SORBS2: variants seen among roughly 807,000 people sequenced by gnomAD.
The protein encoded by SORBS2 is sorbin and SH3 domain-containing protein 2.
SORBS2 carries 46 observed loss-of-function variants against 97.7 expected under a neutral mutation model. The observed-to-expected ratio is 0.47, with a 90% CI of 0.37 to 0.60. The LOEUF is 0.60. Ranked by LOEUF, SORBS2 falls within the 20% of genes least tolerant of loss-of-function variation. The probability of loss-of-function intolerance (pLI) is 0.00; values close to 1 mark genes in which losing one functional copy is unlikely to be tolerated. For missense variants in SORBS2, 1,316 were observed against 1,282.3 expected, an observed-to-expected ratio of 1.03 and a Z score of -0.40; for synonymous variants, 476 against 473.4, an observed-to-expected ratio of 1.01 and a Z score of -0.07.
At chr4:185,639,085 G>A (rs1234829050) in intron 4 of SORBS2, 50 bp from the exon 14 acceptor site, 1 of 1,462,160 alleles carries the variant, frequency 6.8e-7, no homozygotes, top group East Asian at 2.9e-5. Flanking sequence ...GAGGCTCTGG[G>A]CGGAACCGCG....
chr4:185,840,449 C>T (rs574147746), intron 1 of SORBS2, among the ~76,000 whole-genome samples: 11 of 152,286 alleles, frequency 7.2e-5, no homozygotes, highest in South Asian at 6.2e-4. Context: ...TCTTGCATAG[C>T]TGATCCATGA....
chr4:185,735,706 G>T (rs2098681062), intron 2 of SORBS2, among the ~76,000 whole-genome samples: 1 of 152,018 alleles, frequency 6.6e-6, no homozygotes, highest in Non-Finnish European at 1.5e-5. Context: ...TTGTGTGTGT[G>T]TATGTGTGTG....
intron 4 of SORBS2, among the ~76,000 whole-genome samples, chr4:185,645,095 A>C (rs1218202319): frequency 6.6e-6 from 1 of 152,160 alleles, no homozygotes; most frequent in Non-Finnish European, 1.5e-5. Context: ...AAATAATAGA[A>C]ACATCGTGGT....
At chr4:185,897,354 G>T (rs760856026) in intron 1 of SORBS2, among the ~76,000 whole-genome samples, 1 of 152,162 alleles carries the variant, frequency 6.6e-6, no homozygotes, top group South Asian at 2.1e-4. Flanking sequence ...CAAGAATCTG[G>T]ACAGACAGGC....
At chr4:185,787,441 G>A (rs2099061377) in intron 1 of SORBS2, among the ~76,000 whole-genome samples, 1 of 152,158 alleles carries the variant, frequency 6.6e-6, no homozygotes, top group African/African-American at 2.4e-5. Flanking sequence ...AAGATAAGCC[G>A]TAAGGGACAG....
intron 1 of SORBS2, among the ~76,000 whole-genome samples, chr4:185,826,312 C>A (rs761295888): frequency 1.3e-5 from 2 of 152,180 alleles, no homozygotes; most frequent in Non-Finnish European, 1.5e-5. Flanking sequence ...CCTCACCTAG[C>A]TGAGGTGCCT....
intron 1 of SORBS2, among the ~76,000 whole-genome samples, chr4:185,926,958 A>G (rs2099264008): frequency 6.6e-6 from 1 of 152,022 alleles, no homozygotes; most frequent in Non-Finnish European, 1.5e-5. Context: ...GCCAAGGAAA[A>G]GTTGAACAAA....
At chr4:185,932,108 T>C (rs2099266810) in intron 1 of SORBS2, among the ~76,000 whole-genome samples, 2 of 151,622 alleles carry the variant, frequency 1.3e-5, no homozygotes, top group South Asian at 2.1e-4. Context: ...TATATACACA[T>C]AATAAACACA....
At chr4:185,823,492 C>A (rs1354629889) in intron 1 of SORBS2, among the ~76,000 whole-genome samples, 1 of 142,556 alleles carries the variant, frequency 7.0e-6, no homozygotes, top group Admixed American at 7.1e-5. Context: ...TATAAATTTT[C>A]TTTTGTTTAT....
In SORBS2 at chr4:185,813,539, G is replaced by A. The variant is rs12501225; in HGVS notation, c.-337-38173C>T. 9.4e-3 allele frequency among the ~76,000 whole-genome samples: 1,433 copies of A among 152,266 alleles called. 34 individuals carry two copies. The highest frequency in any genetic ancestry group is 0.045 in the Admixed American group (681 of 15,298). On this transcript the variant is annotated intron_variant, in intron 1 of 20. Transcript: ENST00000284776. ...CCTTCCCTGAAGTTATTTTGCATTT[G>A]CTGTTGCTGAGCGTGCCCCTGCCTT...
chr4:185,911,980 AT>A (rs1168248761), intron 1 of SORBS2, among the ~76,000 whole-genome samples: 1 of 152,242 alleles, frequency 6.6e-6, no homozygotes, highest in Non-Finnish European at 1.5e-5. Flanking sequence ...AGAAATACTT[AT>A]GGAAAAACAT....
At chr4:185,634,154 C>A (rs1386451582) in intron 4 of SORBS2, among the ~76,000 whole-genome samples, 1 of 152,130 alleles carries the variant, frequency 6.6e-6, no homozygotes, top group Non-Finnish European at 1.5e-5. Flanking sequence ...TTGATCACTT[C>A]TCAGTTTTAA....
At chr4:185,736,230 T>A (rs1166594570) in intron 2 of SORBS2, among the ~76,000 whole-genome samples, 1 of 152,268 alleles carries the variant, frequency 6.6e-6, no homozygotes. Flanking sequence ...TGTGGTTTTG[T>A]CATCCTCAGA....
chr4:185,897,431 C>T (rs576298487), intron 1 of SORBS2, among the ~76,000 whole-genome samples: 1 of 152,340 alleles, frequency 6.6e-6, no homozygotes, highest in South Asian at 2.1e-4. Context: ...CCTATGCCTA[C>T]ACAGCTGCCC....
chr4:185,771,083 C>A (rs2098968025), intron 2 of SORBS2: 1 of 144,406 alleles, frequency 6.9e-6, no homozygotes, highest in South Asian at 2.3e-4. Context: ...CAGGTTCAAG[C>A]TATTCTCCCA....
intron 2 of SORBS2, among the ~76,000 whole-genome samples, chr4:185,686,206 A>G (rs190923278): frequency 6.6e-6 from 1 of 152,184 alleles, no homozygotes; most frequent in African/African-American, 2.4e-5. Context: ...CTTTATTTTC[A>G]TAAGGAAAGT....
In SORBS2 at chr4:185,620,045, T is replaced by A; in HGVS notation, c.2304+18A>T. The A allele has an allele frequency of 6.8e-7, 1 of 1,466,904 alleles. No individual in the cohort carries two copies. 90.9% of individuals were successfully genotyped at this position (1,466,904 alleles called of 1,614,324 possible). A position where few individuals can be genotyped will look rare whatever the true frequency, so the allele number is the denominator to read the frequency against. ...AGTGTGTTGCTGTGAAAGACTCCAA[T>A]GCTATTAAATTAACTACCTCTTTTT... is the stretch of plus-strand genomic sequence containing the variant. On this transcript the variant is annotated intron_variant, in intron 8 of 14. Coordinates refer to ENST00000418609, the Ensembl canonical transcript of SORBS2.
At chr4:185,847,152 G>A (rs1190001666) in intron 1 of SORBS2, among the ~76,000 whole-genome samples, 3 of 152,190 alleles carry the variant, frequency 2.0e-5, no homozygotes, top group Non-Finnish European at 4.4e-5. Context: ...AGTGTTGATA[G>A]AGTCTGAGAG....
intron 2 of SORBS2, among the ~76,000 whole-genome samples, chr4:185,762,950 A>T (rs2153612264): frequency 6.6e-6 from 1 of 152,284 alleles, no homozygotes; most frequent in East Asian, 1.9e-4. Context: ...GCACTTTGGG[A>T]GGCTGAAGCG....
Sources: gnomAD v4.1 joint callset for allele counts (sites outside exome capture counted in the v4.1 genomes callset) on GRCh38, gnomAD v4.1.1 for gene constraint, MANE v1.5 for transcripts, NCBI Gene and HGNC (gene_info 2026-07-23, HGNC 2026-07-21) for gene names.